RGS8: variants seen among roughly 807,000 people sequenced by gnomAD.
The protein encoded by RGS8 is regulator of G-protein signaling 8.
Under a neutral mutation model 21.7 loss-of-function variants are expected in RGS8, and 8 were observed. The ratio of observed to expected loss-of-function variants is 0.37; its 90% confidence interval spans 0.22 to 0.66. The LOEUF (loss-of-function observed/expected upper bound fraction) is 0.66, where lower values mean the gene tolerates loss of function less well. Ranked by LOEUF, RGS8 falls within the 30% of genes least tolerant of loss-of-function variation. RGS8 has a pLI of 0.59. For synonymous variants in RGS8, 80 were observed against 83.6 expected, an observed-to-expected ratio of 0.96 and a Z score of 0.24; for missense variants, 157 against 217.9, an observed-to-expected ratio of 0.72 and a Z score of 1.76.
At chr1:182,716,124 TGG>T in the RGS8 span, among the ~76,000 whole-genome samples, 33 of 119,376 alleles carry the variant, frequency 2.8e-4, 1 homozygote, top group South Asian at 3.2e-3. Flanking sequence ...CACTGTTTTT[TGG>T]TTTTTTTTTT....
rs1664635561 is a variant in RGS8, at chr1:182,684,250, T to A, written n.221+106A>T. The stretch of plus-strand genomic sequence containing the variant: ...ACAATGACAGGAGGCCAGAACCTTT[T>A]CTGCCCTGCAGTGCCCTGCACCTCT... On this transcript the variant is annotated intron_variant and non_coding_transcript_variant, in intron 1 of 4. Transcript: ENST00000515211. This position sits in a 1 kb window ranked among gnomAD's most constrained non-coding sequence, Gnocchi z 4.2. The A allele has an allele frequency of 6.6e-6, 1 of 152,452 alleles. No individual in the cohort carries two copies. Among genetic ancestry groups the A allele is most frequent in the Non-Finnish European group, 1.5e-5 (1 of 68,220 alleles). The allele number at this position is 152,452 out of a possible 1,614,324, so 9.4% of individuals were successfully genotyped here.
chr1:182,742,502 C>A, the RGS8 span, among the ~76,000 whole-genome samples: 1 of 152,182 alleles, frequency 6.6e-6, no homozygotes, highest in Non-Finnish European at 1.5e-5. Flanking sequence ...CTCGGGAGGC[C>A]GAGGCTGGCG....
At chr1:182,666,635 G>A (rs996045246) in intron 4 of RGS8, among the ~76,000 whole-genome samples, 1 of 151,260 alleles carries the variant, frequency 6.6e-6, no homozygotes, top group African/African-American at 2.4e-5. Flanking sequence ...TATGAGAGAT[G>A]GATGATATGG....
chr1:182,738,637 A>G, the RGS8 span, among the ~76,000 whole-genome samples: 1 of 152,224 alleles, frequency 6.6e-6, no homozygotes, highest in South Asian at 2.1e-4. Context: ...TCCTGTAATT[A>G]ATATGAAGTA....
the RGS8 span, among the ~76,000 whole-genome samples, chr1:182,725,638 G>A: frequency 2.0e-5 from 3 of 152,182 alleles, no homozygotes; most frequent in Non-Finnish European, 4.4e-5. Flanking sequence ...TGGGGACAAG[G>A]ACTTACAAAT....
chr1:182,713,131 TA>T, the RGS8 span, among the ~76,000 whole-genome samples: 48 of 152,312 alleles, frequency 3.2e-4, no homozygotes, highest in East Asian at 7.3e-3. Flanking sequence ...CATATAATTT[TA>T]AAAAAGAAAT....
intron 5 of RGS8, 125 bp from the exon 7 acceptor site, chr1:182,648,428 C>T (rs1662809768): frequency 1.0e-6 from 1 of 976,754 alleles, no homozygotes. Context: ...TGCTCCTCCA[C>T]ACCCTCTTGA....
chr1:182,709,991 A>T, the RGS8 span, among the ~76,000 whole-genome samples: 86 of 152,016 alleles, frequency 5.7e-4, 2 homozygotes, highest in Non-Finnish European at 1.9e-4. Flanking sequence ...AACTCCAATC[A>T]TTTTTCCATC....
intron 3 of RGS8, among the ~76,000 whole-genome samples, chr1:182,667,819 GTT>G (rs535381868): frequency 2.6e-4 from 40 of 151,290 alleles, no homozygotes; most frequent in Non-Finnish European, 4.9e-4. Context: ...ATTAGTCTCC[GTT>G]TACCACTTTA....
At chr1:182,695,656 C>T in the RGS8 span, among the ~76,000 whole-genome samples, 5 of 152,244 alleles carry the variant, frequency 3.3e-5, no homozygotes, top group African/African-American at 9.6e-5. Context: ...GAAAGTATTT[C>T]CTCCAACCCA....
At chr1:182,694,594 G>A in the RGS8 span, among the ~76,000 whole-genome samples, 2 of 152,170 alleles carry the variant, frequency 1.3e-5, no homozygotes, top group African/African-American at 4.8e-5. Context: ...ATCAGTTGAG[G>A]TCAGGAGCTC....
At chr1:182,666,835 T>A in intron 4 of RGS8, 37 bp downstream of exon 5, 1 of 1,486,530 alleles carries the variant, frequency 6.7e-7, no homozygotes, top group Non-Finnish European at 9.4e-7. Context: ...TGACTTGCTG[T>A]ATTACCCAGG....
At chr1:182,687,642 CA>C (rs1322024449), upstream of RGS8, among the ~76,000 whole-genome samples, 2 of 152,162 alleles carry the variant, frequency 1.3e-5, no homozygotes, top group Admixed American at 6.5e-5. Context: ...ACTAGGCTGT[CA>C]AAACAACAGA....
At chr1:182,743,090 A>G in the RGS8 span, among the ~76,000 whole-genome samples, 1 of 152,178 alleles carries the variant, frequency 6.6e-6, no homozygotes, top group Non-Finnish European at 1.5e-5. Context: ...TGACCCCTGA[A>G]GACCCTGTAA....
chr1:182,697,496 C>A, the RGS8 span, among the ~76,000 whole-genome samples: 1 of 152,170 alleles, frequency 6.6e-6, no homozygotes, highest in Admixed American at 6.5e-5. Flanking sequence ...ATAAAAGAAC[C>A]CCTTCGGCTA....
At chr1:182,738,286 C>T in the RGS8 span, among the ~76,000 whole-genome samples, 58 of 152,114 alleles carry the variant, frequency 3.8e-4, no homozygotes, top group African/African-American at 1.3e-3. Context: ...TTCTCTGAGC[C>T]TTTGTTTCCA....
the RGS8 span, among the ~76,000 whole-genome samples, chr1:182,738,100 T>C: frequency 6.6e-6 from 1 of 152,236 alleles, no homozygotes; most frequent in Non-Finnish European, 1.5e-5. Flanking sequence ...TAACTAACAG[T>C]TGCTTTGCTC....
At chr1:182,728,676 G>T in the RGS8 span, among the ~76,000 whole-genome samples, 2 of 152,114 alleles carry the variant, frequency 1.3e-5, no homozygotes, top group Admixed American at 1.3e-4. Flanking sequence ...AAAATCAACA[G>T]AAGAACTAAC....
the RGS8 span, among the ~76,000 whole-genome samples, chr1:182,742,546 G>A: frequency 2.0e-5 from 3 of 152,222 alleles, no homozygotes; most frequent in African/African-American, 7.2e-5. Context: ...AGACCAGCCC[G>A]GCCAACACAG....
Sources: allele counts gnomAD v4.1 joint callset (sites outside exome capture counted in the v4.1 genomes callset), GRCh38; gene constraint gnomAD v4.1.1; non-coding constraint Gnocchi (gnomAD v3.1); transcripts MANE v1.5; gene names NCBI Gene and HGNC (gene_info 2026-07-23, HGNC 2026-07-21).